GADL1: variants seen among roughly 807,000 people sequenced by gnomAD.
GADL1 encodes the protein GAD like acidic amino acid decarboxylase 1.
GADL1 carries 71 observed loss-of-function variants against 69.5 expected under a neutral mutation model. The ratio of observed to expected loss-of-function variants is 1.02; its 90% CI spans 0.84 to 1.25. GADL1 has a LOEUF of 1.25. Ranked by LOEUF, GADL1 falls within the 50% of genes most tolerant of loss-of-function variation. The pLI is 0.00. For missense variants in GADL1, 737 were observed against 631.8 expected, an observed-to-expected ratio of 1.17 and a Z score of -1.79; for synonymous variants, 254 against 214.4, an observed-to-expected ratio of 1.18 and a Z score of -1.62.
At chr3:30,860,419 A>C (rs930362332) in intron 2 of GADL1, among the ~76,000 whole-genome samples, 2 of 152,030 alleles carry the variant, frequency 1.3e-5, no homozygotes, top group African/African-American at 4.8e-5. Flanking sequence ...AAAAACTGCC[A>C]GAGGAGCAGT....
At chr3:30,768,979 A>C (rs1036782200) in intron 14 of GADL1, among the ~76,000 whole-genome samples, 2 of 152,174 alleles carry the variant, frequency 1.3e-5, no homozygotes, top group Non-Finnish European at 2.9e-5. Flanking sequence ...CTTTCAGCCC[A>C]GGGGTCTATT....
intron 14 of GADL1, among the ~76,000 whole-genome samples, chr3:30,757,504 C>T (rs1262505103): frequency 6.6e-6 from 1 of 152,220 alleles, no homozygotes. Flanking sequence ...GCTCACAGAA[C>T]TCTGGCTGTG....
At chr3:30,840,835 G>A (rs552152679) in intron 8 of GADL1, among the ~76,000 whole-genome samples, 2 of 152,208 alleles carry the variant, frequency 1.3e-5, no homozygotes, top group Non-Finnish European at 2.9e-5. Flanking sequence ...AGTAGAAACA[G>A]TATTGATGGC....
chr3:30,832,734 T>C (rs1468117370), intron 11 of GADL1, among the ~76,000 whole-genome samples: 1 of 152,086 alleles, frequency 6.6e-6, no homozygotes, highest in Admixed American at 6.6e-5. Flanking sequence ...ATCAATATGG[T>C]AATCTTAAAC....
At chr3:30,894,437 A>G (rs1698829665) in intron 1 of GADL1, 141 bp downstream of exon 1, 1 of 574,008 alleles carries the variant, frequency 1.7e-6, no homozygotes, top group Non-Finnish European at 3.0e-6. Flanking sequence ...GAAAAAATCC[A>G]TGAAGATGGG....
At chr3:30,859,523 A>C (rs972163160) in intron 2 of GADL1, among the ~76,000 whole-genome samples, 2 of 151,886 alleles carry the variant, frequency 1.3e-5, no homozygotes, top group African/African-American at 4.8e-5. Flanking sequence ...GGGAGGATTG[A>C]TTAGAGAGGG....
chr3:30,796,844 T>C (rs544041617), intron 12 of GADL1, among the ~76,000 whole-genome samples: 1 of 152,266 alleles, frequency 6.6e-6, no homozygotes, highest in Admixed American at 6.5e-5. Context: ...TCATATAGTA[T>C]TCACAGGTTT....
chr3:30,790,122 A>G (rs78673926), intron 12 of GADL1, among the ~76,000 whole-genome samples: 1 of 152,160 alleles, frequency 6.6e-6, no homozygotes, highest in Admixed American at 6.5e-5. Flanking sequence ...AGTGACAGAC[A>G]TGTGACTCTT....
At chr3:30,744,148 T>C (rs1235766921) in intron 14 of GADL1, among the ~76,000 whole-genome samples, 1 of 152,136 alleles carries the variant, frequency 6.6e-6, no homozygotes, top group African/African-American at 2.4e-5. Context: ...CAAACTAAGG[T>C]ATATTTGGTT....
intron 14 of GADL1, among the ~76,000 whole-genome samples, chr3:30,766,081 G>A (rs979840371): frequency 1.3e-5 from 2 of 152,134 alleles, no homozygotes; most frequent in Non-Finnish European, 2.9e-5. Context: ...GACTGTATTG[G>A]TTAAATGATA....
intron 12 of GADL1, chr3:30,797,664 G>T (rs910284823): frequency 3.6e-5 from 4 of 112,428 alleles, no homozygotes; most frequent in South Asian, 3.7e-4. Context: ...GTTTTGTTTT[G>T]TTTTTGTTTT....
At chr3:30,809,226 A>G (rs1437743114) in intron 11 of GADL1, among the ~76,000 whole-genome samples, 1 of 152,084 alleles carries the variant, frequency 6.6e-6, no homozygotes, top group Admixed American at 6.5e-5. Context: ...TCATTTCTTT[A>G]CTTGGATTTA....
At position 30,844,405 on chromosome 3, in the gene GADL1, A is replaced by G. The variant is rs1218986455; in HGVS notation, c.713T>C (p.Phe238Ser). Residue 238 changes from phenylalanine to serine, a missense_variant, in exon 7 of 15, where the codon TTT (phenylalanine) becomes TCT (serine). Transcript: ENST00000282538. ...CCATTACCTTCCATCTGTTTCCACA[A>G]AGCAAACATTCTCAGTGCCAATCCC... ...FLGIGTENVC[F>S]VETDGRGKMI... The G allele has an allele frequency of 6.2e-7, 1 of 1,613,250 alleles. No individual in the cohort carries two copies. Among genetic ancestry groups the G allele is most frequent in the Non-Finnish European group, 8.5e-7 (1 of 1,179,170 alleles).
At chr3:30,856,985 C>T in intron 3 of GADL1, 30 bp downstream of exon 3, 2 of 1,530,628 alleles carry the variant, frequency 1.3e-6, no homozygotes, top group Non-Finnish European at 1.8e-6. Flanking sequence ...GTCAGAGGTA[C>T]AGATCAAGGA....
intron 14 of GADL1, among the ~76,000 whole-genome samples, chr3:30,752,443 C>T (rs1695846633): frequency 6.8e-6 from 1 of 147,654 alleles, no homozygotes; most frequent in Non-Finnish European, 1.5e-5. Context: ...TGTGCCGCAG[C>T]CAGTCTCTGC....
chr3:30,794,304 G>GTTA (rs1326415690), intron 12 of GADL1, among the ~76,000 whole-genome samples: 1 of 152,054 alleles, frequency 6.6e-6, no homozygotes, highest in East Asian at 1.9e-4. Flanking sequence ...GCTGTTTGTT[G>GTTA]TTGAAAAGAC....
intron 1 of GADL1, among the ~76,000 whole-genome samples, chr3:30,873,736 T>C (rs1698527908): frequency 6.6e-6 from 1 of 151,942 alleles, no homozygotes; most frequent in Non-Finnish European, 1.5e-5. Flanking sequence ...AATGGGTGCC[T>C]CATTTGCATC....
chr3:30,735,978 CATA>C (rs1647944037), intron 14 of GADL1, among the ~76,000 whole-genome samples: 1 of 152,110 alleles, frequency 6.6e-6, no homozygotes, highest in African/African-American at 2.4e-5. Context: ...ACTAAATTAA[CATA>C]ATCTTTCATT....
intron 14 of GADL1, among the ~76,000 whole-genome samples, chr3:30,732,584 G>A (rs530686928): frequency 6.6e-6 from 1 of 152,048 alleles, no homozygotes; most frequent in African/African-American, 2.4e-5. Context: ...TTAAACCCAA[G>A]GAAAAATAAA....
Sources: allele counts gnomAD v4.1 joint callset (sites outside exome capture counted in the v4.1 genomes callset), GRCh38; gene constraint gnomAD v4.1.1; transcripts MANE v1.5; gene names NCBI Gene and HGNC (gene_info 2026-07-23, HGNC 2026-07-21).